SLC39A12: variants seen among roughly 807,000 people sequenced by gnomAD.
The protein encoded by SLC39A12 is solute carrier family 39 member 12, also known as zinc transporter ZIP12.
In SLC39A12, 63 loss-of-function variants were observed where a neutral mutation model predicts 71.1. The observed-to-expected ratio is 0.89, with a 90% CI of 0.72 to 1.09. SLC39A12 has a LOEUF of 1.09. SLC39A12 is among the 50% of genes least tolerant of loss of function. The pLI, the probability that SLC39A12 is intolerant of heterozygous loss-of-function variation, is 0.00. For missense variants in SLC39A12, 892 were observed against 812.6 expected (o/e 1.10, Z -1.19); for synonymous variants, 351 against 301.3 (o/e 1.16, Z -1.71).
chr10:17,992,883 A>G (rs1400584329), intron 8 of SLC39A12, among the ~76,000 whole-genome samples: 1 of 152,232 alleles, frequency 6.6e-6, no homozygotes, highest in Non-Finnish European at 1.5e-5. Context: ...AGGGTACAAT[A>G]CAGTTTTGAT....
Position 18,036,746 on chromosome 10 carries a change from TTATATATATATATATA to T in SLC39A12, c.1948-5925_1948-5910del, listed in dbSNP as rs1195629854. 3.1e-3 allele frequency among the ~76,000 whole-genome samples: 117 copies of T among 37,492 alleles called. 5 individuals carry two copies. Among genetic ancestry groups the T allele is most frequent in the East Asian group, 0.014 (22 of 1,596 alleles). The allele number at this position is 37,492 out of a possible 152,430, so 24.6% of individuals were successfully genotyped here. A position where few individuals can be genotyped will look rare whatever the true frequency, so the allele number is the denominator to read the frequency against. ...CATCTTGCAGTTAGCATTTTAAAAA[TTATATATATATATATA>T]TATATATATATATATATATATATAT... On this transcript the variant is annotated intron_variant, in intron 12 of 12. Transcript: ENST00000377369.
chr10:17,977,194 T>G, intron 4 of SLC39A12, among the ~76,000 whole-genome samples: 1 of 152,236 alleles, frequency 6.6e-6, no homozygotes, highest in Non-Finnish European at 1.5e-5. Flanking sequence ...ATTGATTTTT[T>G]ATTGTCAAAC....
At chr10:17,957,150 A>G (rs782787426) in intron 2 of SLC39A12, among the ~76,000 whole-genome samples, 34 of 152,146 alleles carry the variant, frequency 2.2e-4, no homozygotes, top group Admixed American at 1.3e-4. Context: ...TAAAACCCCT[A>G]AAGTTTATCC....
intron 10 of SLC39A12, among the ~76,000 whole-genome samples, chr10:17,998,030 G>A (rs1172843375): frequency 6.6e-6 from 1 of 152,040 alleles, no homozygotes; most frequent in Non-Finnish European, 1.5e-5. Context: ...ATGGAAACTC[G>A]CTCTGTCACC....
At chr10:17,979,335 A>G (rs1835195920) in intron 5 of SLC39A12, among the ~76,000 whole-genome samples, 2 of 152,228 alleles carry the variant, frequency 1.3e-5, no homozygotes, top group Admixed American at 6.5e-5. Context: ...AGTTTGTAAT[A>G]GAATAACCTT....
chr10:17,966,499 T>C (rs1296641), intron 4 of SLC39A12, among the ~76,000 whole-genome samples: 110,286 of 151,676 alleles, frequency 0.73, 41,264 homozygotes, highest in African/African-American at 0.91. Flanking sequence ...TTTGTAGAGA[T>C]AGGGGTCTCA....
chr10:18,027,097 C>T (rs150352751), intron 12 of SLC39A12, among the ~76,000 whole-genome samples: 2 of 152,258 alleles, frequency 1.3e-5, no homozygotes, highest in African/African-American at 4.8e-5. Flanking sequence ...ACATGTTGTA[C>T]TGAGTGAACA....
chr10:17,958,503 C>T (rs1834606465), intron 2 of SLC39A12, among the ~76,000 whole-genome samples: 1 of 152,160 alleles, frequency 6.6e-6, no homozygotes, highest in South Asian at 2.1e-4. Flanking sequence ...AGAAAAATTA[C>T]CGGTCAAAGT....
intron 2 of SLC39A12, 32 bp downstream of exon 2, chr10:17,953,569 G>C (rs782634233): frequency 1.2e-6 from 2 of 1,606,050 alleles, no homozygotes; most frequent in Non-Finnish European, 1.7e-6. Context: ...CAGGTATCAG[G>C]GCATGTCCAA....
At chr10:17,968,178 T>C (rs989291909) in intron 4 of SLC39A12, among the ~76,000 whole-genome samples, 1 of 152,008 alleles carries the variant, frequency 6.6e-6, no homozygotes, top group African/African-American at 2.4e-5. Context: ...ATACTATCTC[T>C]AAATACATAT....
intron 4 of SLC39A12, among the ~76,000 whole-genome samples, chr10:17,966,475 T>TA (rs1034494460): frequency 2.0e-5 from 3 of 152,004 alleles, no homozygotes; most frequent in Non-Finnish European, 4.4e-5. Context: ...CATGCCCAGC[T>TA]AATTTTCTTA....
intron 12 of SLC39A12, among the ~76,000 whole-genome samples, chr10:18,036,369 C>T (rs1046896004): frequency 7.2e-5 from 11 of 152,014 alleles, no homozygotes; most frequent in African/African-American, 1.7e-4. Flanking sequence ...TTTTTTAAGC[C>T]GGTCTGAAAA....
intron 4 of SLC39A12, among the ~76,000 whole-genome samples, chr10:17,971,360 C>A (rs191475091): frequency 5.7e-4 from 80 of 141,476 alleles, no homozygotes; most frequent in Non-Finnish European, 2.6e-4. Flanking sequence ...GGAATGAGTT[C>A]GGAAGTACTC....
intron 1 of SLC39A12, 93 bp from the exon 2 acceptor site, chr10:17,953,098 A>G (rs1834445578): frequency 9.3e-6 from 7 of 752,426 alleles, no homozygotes; most frequent in Middle Eastern, 3.9e-4. Flanking sequence ...ACAGCTTGTC[A>G]TTGCAAATCA....
At chr10:18,042,053 A>G (rs1217794414) in intron 12 of SLC39A12, among the ~76,000 whole-genome samples, 1 of 151,948 alleles carries the variant, frequency 6.6e-6, no homozygotes, top group East Asian at 1.9e-4. Context: ...ACCTGTGCAT[A>G]TAGTAGTTCT....
At chr10:18,004,872 C>A (rs767813051) in intron 12 of SLC39A12, among the ~76,000 whole-genome samples, 1 of 152,158 alleles carries the variant, frequency 6.6e-6, no homozygotes, top group East Asian at 1.9e-4. Context: ...GATACATATG[C>A]ACCGTGGAAT....
At chr10:18,005,992 C>A (rs1218211306) in intron 12 of SLC39A12, among the ~76,000 whole-genome samples, 1 of 151,974 alleles carries the variant, frequency 6.6e-6, no homozygotes, top group Non-Finnish European at 1.5e-5. Flanking sequence ...TTCTCTGGGG[C>A]CATGCCAAAG....
At chr10:17,961,088 G>A (rs1554848332) in intron 2 of SLC39A12, among the ~76,000 whole-genome samples, 8 of 152,058 alleles carry the variant, frequency 5.3e-5, no homozygotes. Flanking sequence ...GACAATTTAG[G>A]CTGAAACCTG....
intron 4 of SLC39A12, among the ~76,000 whole-genome samples, chr10:17,972,340 A>G (rs879885482): frequency 2.0e-5 from 3 of 152,144 alleles, no homozygotes; most frequent in Non-Finnish European, 2.9e-5. Flanking sequence ...GTAAATATAT[A>G]TTAGCTCCAT....
Sources: gnomAD v4.1 joint callset for allele counts (sites outside exome capture counted in the v4.1 genomes callset) on GRCh38, gnomAD v4.1.1 for gene constraint, MANE v1.5 for transcripts, NCBI Gene and HGNC (gene_info 2026-07-23, HGNC 2026-07-21) for gene names.